The following USP3 variants were observed in gnomAD, a reference collection of about 807,000 sequenced individuals.
USP3 encodes ubiquitin carboxyl-terminal hydrolase 3.
A neutral mutation model predicts 72.3 loss-of-function variants in USP3; 20 were observed. The ratio of observed to expected loss-of-function variants is 0.28; its 90% confidence interval spans 0.19 to 0.40. The LOEUF is 0.40. Among genes scored for constraint, USP3 ranks in the 10% least tolerant of loss-of-function variants. The probability of loss-of-function intolerance (pLI) is 1.00; values close to 1 mark genes in which losing one functional copy is unlikely to be tolerated. For missense variants in USP3, 479 were observed against 633.9 expected, an observed-to-expected ratio of 0.76 and a Z score of 2.62; for synonymous variants, 222 against 225.3, an observed-to-expected ratio of 0.99 and a Z score of 0.13.
At position 63,574,285 on chromosome 15, in the gene USP3, C is replaced by A; in HGVS notation, c.1016-38C>A. The A allele has an allele frequency of 1.9e-6, 3 of 1,539,614 alleles. No homozygotes were observed. The highest frequency in any genetic ancestry group is 1.4e-5 in the African/African-American group (1 of 71,642). ...AATTATTTTGAATGGACATATATGC[C>A]TTTAACAGCTCTCTGTTTACCTCTC... On this transcript the variant is annotated intron_variant, in intron 10 of 14. Coordinates refer to ENST00000380324, the MANE Select transcript of USP3 (RefSeq NM_006537.4). The surrounding 1 kb of genome is among the most constrained non-coding windows in gnomAD (Gnocchi z 4.6).
At chr15:63,567,341 A>ATT (rs1276442905) in intron 8 of USP3, among the ~76,000 whole-genome samples, 37 of 119,540 alleles carry the variant, frequency 3.1e-4, no homozygotes, top group Non-Finnish European at 5.1e-4. Context: ...TGCCTGGCTA[A>ATT]TTTTTTTTTT....
In USP3 at chr15:63,544,673, G is replaced by A. The variant is rs999491891; in HGVS notation, c.284+7517G>A. The stretch of plus-strand genomic sequence containing the variant: ...TGTAAAGATGGAGATGACCGAATGA[G>A]GAATATTGTTTTGCCATTAAATAAG... On this transcript the variant is annotated intron_variant, in intron 3 of 14. Coordinates refer to ENST00000380324, the MANE Select transcript of USP3 (RefSeq NM_006537.4). The surrounding 1 kb of genome is among the most constrained non-coding windows in gnomAD (Gnocchi z 4.2). The A allele has an allele frequency of 2.9e-6, 2 of 701,014 alleles. No homozygotes were observed. Among genetic ancestry groups the A allele is most frequent in the Non-Finnish European group, 5.2e-6 (2 of 384,328 alleles). The allele number at this position is 701,014 out of a possible 1,614,324, so 43.4% of individuals were successfully genotyped here.
intron 4 of USP3, among the ~76,000 whole-genome samples, chr15:63,555,450 C>A (rs190741968): frequency 6.6e-6 from 1 of 151,692 alleles, no homozygotes; most frequent in Non-Finnish European, 1.5e-5. Flanking sequence ...AACTGAGACA[C>A]TGAATTTTAA....
At chr15:63,505,656 G>A (rs990476406) in intron 1 of USP3, among the ~76,000 whole-genome samples, 1 of 152,166 alleles carries the variant, frequency 6.6e-6, no homozygotes, top group Non-Finnish European at 1.5e-5. Flanking sequence ...TGGCCCCCTT[G>A]GAAGCCCCAG....
rs565565060 is a variant in USP3, at chr15:63,580,491, T to C, written c.1096+6088T>C. Among the ~76,000 whole-genome samples the C allele has an allele frequency of 7.9e-5, 12 of 151,642 alleles. No homozygotes were observed. In the South Asian group the frequency reaches 2.5e-3, roughly 31 times the overall value. ...AATTAAATTTATATAGTATATAAAG[T>C]TGACCTAATAACTAACTTCAACAAA... is the stretch of plus-strand genomic sequence containing the variant. On this transcript the variant is annotated intron_variant, in intron 11 of 14. Transcript: ENST00000380324.
Position 63,593,619 on chromosome 15 carries a change from C to G in USP3, c.*2793C>G, listed in dbSNP as rs2067243153. 6.6e-6 allele frequency: 1 copy of G among 152,220 alleles called. No homozygotes were observed. 9.4% of individuals were successfully genotyped at this position (152,220 alleles called of 1,614,324 possible). ...TTTTTATTGGTTGGTTTTACTTGAA[C>G]AGAAACGTTTGAATGGTGTGAAGAT... On this transcript the variant is annotated 3_prime_UTR_variant, in exon 15 of 15. Coordinates refer to ENST00000380324, the MANE Select transcript of USP3 (RefSeq NM_006537.4).
At chr15:63,527,335 C>T (rs925693145) in intron 1 of USP3, among the ~76,000 whole-genome samples, 7 of 152,196 alleles carry the variant, frequency 4.6e-5, no homozygotes, top group African/African-American at 1.7e-4. Flanking sequence ...ACTAGAATCC[C>T]GGTCATCTGA....
chr15:63,583,838 G>T (rs1408643013), intron 11 of USP3, among the ~76,000 whole-genome samples: 2 of 152,120 alleles, frequency 1.3e-5, no homozygotes, highest in Non-Finnish European at 2.9e-5. Context: ...TCTCTGGTAT[G>T]TATAGACTAC....
chr15:63,549,999 A>G (rs934411188), intron 3 of USP3, among the ~76,000 whole-genome samples: 2 of 152,206 alleles, frequency 1.3e-5, no homozygotes, highest in African/African-American at 4.8e-5. Flanking sequence ...GCATTTGTGC[A>G]TATGTACTGA....
chr15:63,545,549 A>G (rs1034253447), intron 3 of USP3, among the ~76,000 whole-genome samples: 6 of 151,932 alleles, frequency 3.9e-5, no homozygotes, highest in African/African-American at 1.2e-4. Flanking sequence ...CATCTCTAAT[A>G]TGTACCCTAG....
chr15:63,545,989 A>AAC (rs1200461206), intron 3 of USP3, among the ~76,000 whole-genome samples: 36 of 150,774 alleles, frequency 2.4e-4, no homozygotes, highest in Non-Finnish European at 3.4e-4. Flanking sequence ...AAAAAAAAAA[A>AAC]AAAAAACAGT....
chr15:63,578,295 CTT>C (rs2066898432), intron 11 of USP3, among the ~76,000 whole-genome samples: 1 of 150,932 alleles, frequency 6.6e-6, no homozygotes, highest in African/African-American at 2.4e-5. Context: ...AAAGAAAAAA[CTT>C]TTATTAGGAA....
chr15:63,589,399 T>G lies in USP3; in HGVS notation c.1397+388T>G, dbSNP rs538401818. 5.3e-5 allele frequency among the ~76,000 whole-genome samples: 8 copies of G among 152,352 alleles called. No individual in the cohort carries two copies. The East Asian group carries it at 1.5e-3, about 29-fold the overall frequency. On this transcript the variant is annotated intron_variant, in intron 14 of 14. Transcript: ENST00000380324. Reference sequence around the variant, plus strand: ...GTCTTGTTAAAAAACATTAATTTTTTCCCCTGAAAGTTTGTATGAGGGGTC... The same window carrying G: ...GTCTTGTTAAAAAACATTAATTTTTGCCCCTGAAAGTTTGTATGAGGGGTC...
Position 63,531,111 on chromosome 15 carries a change from A to T in USP3, c.92-1536A>T, listed in dbSNP as rs191082436. 1.5e-3 allele frequency among the ~76,000 whole-genome samples: 232 copies of T among 152,300 alleles called. 4 individuals are homozygous for T. The highest frequency in any genetic ancestry group is 0.013 in the Admixed American group (201 of 15,296). On this transcript the variant is annotated intron_variant, in intron 1 of 14. Coordinates refer to ENST00000380324, the MANE Select transcript of USP3 (RefSeq NM_006537.4). Reference sequence around the variant, plus strand: ...ACCACTCAAAGCTTTCATGTTCAAAACTAAAGTTCTGTACTGGCCAAACTG... The same window carrying T: ...ACCACTCAAAGCTTTCATGTTCAAATCTAAAGTTCTGTACTGGCCAAACTG...
intron 9 of USP3, among the ~76,000 whole-genome samples, chr15:63,572,065 G>A (rs1170137343): frequency 6.6e-6 from 1 of 152,158 alleles, no homozygotes; most frequent in Non-Finnish European, 1.5e-5. Flanking sequence ...GAAATCATTA[G>A]TGCCAGCTAA....
chr15:63,589,044 AATACCTGGT>A (rs2067132438), intron 14 of USP3, 33 bp downstream of exon 14: 1 of 1,611,554 alleles, frequency 6.2e-7, no homozygotes, highest in South Asian at 1.1e-5. Flanking sequence ...GGTGGGTGGG[AATACCTGGT>A]GGCCAGCCCA....
intron 11 of USP3, among the ~76,000 whole-genome samples, chr15:63,580,526 T>A (rs2066935159): frequency 6.6e-6 from 1 of 151,112 alleles, no homozygotes; most frequent in South Asian, 2.1e-4. Context: ...ACCAGCTTTA[T>A]TTCCTGCTTT....
intron 1 of USP3, chr15:63,530,596 T>C (rs772424730): frequency 1.8e-5 from 8 of 437,048 alleles, no homozygotes; most frequent in South Asian, 1.1e-4. Flanking sequence ...TACAGGCACG[T>C]ACCAGTGCAC....
Position 63,572,259 on chromosome 15 carries a change from A to G in USP3, c.908+1680A>G, listed in dbSNP as rs147256577. On this transcript the variant is annotated intron_variant, in intron 9 of 14. Coordinates refer to ENST00000380324, the MANE Select transcript of USP3 (RefSeq NM_006537.4). ...CCAGAGGAAGTGATTACAAGGAAGAACTACATTGAGTCTAAATGTAATTCT... is the reference window on the plus strand; with the variant it reads ...CCAGAGGAAGTGATTACAAGGAAGAGCTACATTGAGTCTAAATGTAATTCT... 4.4e-3 allele frequency among the ~76,000 whole-genome samples: 671 copies of G among 152,314 alleles called. 6 individuals carry two copies. The highest frequency in any genetic ancestry group is 5.3e-3 in the Non-Finnish European group (358 of 68,016).
Sources: gnomAD v4.1 joint callset for allele counts (sites outside exome capture counted in the v4.1 genomes callset) on GRCh38, gnomAD v4.1.1 for gene constraint, Gnocchi (gnomAD v3.1) non-coding constraint, MANE v1.5 for transcripts, NCBI Gene and HGNC (gene_info 2026-07-23, HGNC 2026-07-21) for gene names.